KIAA1328: variants seen among roughly 807,000 people sequenced by gnomAD.
KIAA1328 encodes the protein KIAA1328.
In KIAA1328, 52 loss-of-function variants were observed where a neutral mutation model predicts 68.1. The observed-to-expected ratio is 0.76, with a 90% CI of 0.61 to 0.96. The LOEUF (loss-of-function observed/expected upper bound fraction) is 0.96, where lower values mean the gene tolerates loss of function less well. Ranked by LOEUF, KIAA1328 falls within the 40% of genes least tolerant of loss-of-function variation. The probability of loss-of-function intolerance (pLI) is 0.00; values close to 1 mark genes in which losing one functional copy is unlikely to be tolerated. For missense variants in KIAA1328, 641 were observed against 677.6 expected (o/e 0.95, Z 0.60); for synonymous variants, 232 against 239.4 (o/e 0.97, Z 0.28).
chr18:37,173,562 T>C (rs1036979576), intron 9 of KIAA1328, among the ~76,000 whole-genome samples: 1 of 152,238 alleles, frequency 6.6e-6, no homozygotes, highest in East Asian at 1.9e-4. Flanking sequence ...AAATTTCCCA[T>C]GTCTAATGAA....
chr18:37,137,494 A>G (rs2058671174), intron 7 of KIAA1328, among the ~76,000 whole-genome samples: 1 of 152,102 alleles, frequency 6.6e-6, no homozygotes, highest in African/African-American at 2.4e-5. Context: ...ATATCACTCA[A>G]CTAAAACCAT....
At chr18:36,975,429 G>T (rs540994246) in intron 6 of KIAA1328, among the ~76,000 whole-genome samples, 2 of 152,028 alleles carry the variant, frequency 1.3e-5, no homozygotes, top group Admixed American at 6.6e-5. Flanking sequence ...TGATCCGCCC[G>T]CCTCGGCCTC....
intron 5 of KIAA1328, among the ~76,000 whole-genome samples, chr18:36,924,480 G>C (rs1364740210): frequency 4.6e-5 from 7 of 152,166 alleles, no homozygotes; most frequent in African/African-American, 1.7e-4. Context: ...TGAGCATATA[G>C]AGACAAGATA....
At chr18:37,010,228 AG>A (rs1337629332) in intron 6 of KIAA1328, among the ~76,000 whole-genome samples, 7 of 152,006 alleles carry the variant, frequency 4.6e-5, no homozygotes, top group African/African-American at 1.7e-4. Flanking sequence ...GCGGATCACA[AG>A]GTCAGAAGTT....
intron 7 of KIAA1328, among the ~76,000 whole-genome samples, chr18:37,131,313 G>A (rs1024685111): frequency 5.9e-5 from 9 of 152,072 alleles, no homozygotes; most frequent in Admixed American, 1.3e-4. Context: ...ACTTTCCCTC[G>A]CTTTCTAGAG....
chr18:36,855,406 A>C (rs997098424), intron 4 of KIAA1328, among the ~76,000 whole-genome samples: 1 of 152,074 alleles, frequency 6.6e-6, no homozygotes, highest in Non-Finnish European at 1.5e-5. Context: ...ATGACTGTTT[A>C]TGTTGAGGGT....
intron 5 of KIAA1328, among the ~76,000 whole-genome samples, chr18:36,917,684 C>T (rs907035652): frequency 1.3e-5 from 2 of 152,168 alleles, no homozygotes; most frequent in Non-Finnish European, 2.9e-5. Context: ...GAGATTTAGA[C>T]AGAATTTAAT....
intron 5 of KIAA1328, among the ~76,000 whole-genome samples, chr18:36,902,797 A>G (rs2049086729): frequency 6.6e-6 from 1 of 152,030 alleles, no homozygotes; most frequent in African/African-American, 2.4e-5. Flanking sequence ...AGCTCCACCT[A>G]TTCTACAAGG....
chr18:37,042,489 T>C (rs1599059842), intron 6 of KIAA1328, among the ~76,000 whole-genome samples: 1 of 152,332 alleles, frequency 6.6e-6, no homozygotes, highest in Non-Finnish European at 1.5e-5. Flanking sequence ...CATGCCTTCA[T>C]TTTTGAAGGT....
chr18:36,944,328 C>T (rs758098418), intron 5 of KIAA1328, among the ~76,000 whole-genome samples: 5 of 151,928 alleles, frequency 3.3e-5, no homozygotes, highest in Non-Finnish European at 5.9e-5. Context: ...CCTGTAATCC[C>T]AGCACTTTAG....
intron 6 of KIAA1328, among the ~76,000 whole-genome samples, chr18:37,025,963 T>C (rs1299051382): frequency 6.6e-6 from 1 of 151,582 alleles, no homozygotes; most frequent in Non-Finnish European, 1.5e-5. Context: ...TCAACAAAAT[T>C]CATAGACCGC....
intron 7 of KIAA1328, among the ~76,000 whole-genome samples, chr18:37,098,596 G>C (rs2057491610): frequency 6.6e-6 from 1 of 152,170 alleles, no homozygotes; most frequent in Admixed American, 6.5e-5. Flanking sequence ...CATAAAATGA[G>C]TTAGGTAGGA....
chr18:37,036,853 T>G (rs2055046305), intron 6 of KIAA1328, among the ~76,000 whole-genome samples: 1 of 152,222 alleles, frequency 6.6e-6, no homozygotes, highest in African/African-American at 2.4e-5. Flanking sequence ...CTAATTTATT[T>G]TTTGTGCTTT....
Position 36,844,243 on chromosome 18 carries a change from G to A in KIAA1328, c.273G>A (p.Leu91=), listed in dbSNP as rs2046952800. Residue 91 remains leucine, a synonymous_variant, in exon 4 of 10, where the codon TTG becomes TTA. Coordinates refer to ENST00000280020, the MANE Select transcript of KIAA1328 (RefSeq NM_020776.3). ...SCRGEIKSAS[L]KDLCLEDKRR... ...GGGGAGAAATAAAGAGTGCATCATT[G>A]AAGGATTTATGTCTTGAAGACAAAA... 2 of 1,605,602 alleles carry A rather than the reference G, an allele frequency of 1.2e-6. No individual in the cohort carries two copies. The highest frequency in any genetic ancestry group is 1.7e-6 in the Non-Finnish European group (2 of 1,176,010).
intron 9 of KIAA1328, among the ~76,000 whole-genome samples, chr18:37,203,955 G>A (rs557559629): frequency 2.8e-4 from 43 of 152,148 alleles, no homozygotes; most frequent in African/African-American, 8.4e-4. Context: ...GACTACAGGC[G>A]CCCGCCACCA....
At chr18:36,856,566 G>A (rs1332513024) in intron 4 of KIAA1328, among the ~76,000 whole-genome samples, 1 of 106,484 alleles carries the variant, frequency 9.4e-6, no homozygotes, top group Non-Finnish European at 1.9e-5. Context: ...ATTTGTTCAG[G>A]TGTTGTTTTC....
downstream of KIAA1328, chr18:37,229,655 A>G (rs1018112253): frequency 5.0e-6 from 4 of 794,006 alleles, no homozygotes; most frequent in East Asian, 2.0e-4. Context: ...CAGCCGGATC[A>G]TGAGGTCAGG....
chr18:36,999,767 G>T (rs1049275708), intron 6 of KIAA1328, among the ~76,000 whole-genome samples: 5 of 152,042 alleles, frequency 3.3e-5, no homozygotes, highest in African/African-American at 1.2e-4. Flanking sequence ...GCTCAAGGGA[G>T]TCATAAACCT....
At chr18:37,092,753 A>C (rs549619523) in intron 7 of KIAA1328, among the ~76,000 whole-genome samples, 3 of 152,292 alleles carry the variant, frequency 2.0e-5, no homozygotes, top group South Asian at 4.2e-4. Context: ...ATTGGACACA[A>C]CACTTAGGGG....
Sources: allele counts gnomAD v4.1 joint callset (sites outside exome capture counted in the v4.1 genomes callset), GRCh38; gene constraint gnomAD v4.1.1; transcripts MANE v1.5; gene names NCBI Gene and HGNC (gene_info 2026-07-23, HGNC 2026-07-21).